OSBPL6: variants seen among roughly 807,000 people sequenced by gnomAD.
OSBPL6 encodes oxysterol-binding protein-related protein 6.
In OSBPL6, 49 loss-of-function variants were observed where a neutral mutation model predicts 125.8. The observed-to-expected ratio is 0.39, with a 90% CI of 0.31 to 0.49. The LOEUF (loss-of-function observed/expected upper bound fraction) is 0.49, where lower values mean the gene tolerates loss of function less well. Ranked by LOEUF, OSBPL6 falls within the 20% of genes least tolerant of loss-of-function variation. OSBPL6 has a pLI of 0.88. For synonymous variants in OSBPL6, 394 were observed against 391.8 expected, an observed-to-expected ratio of 1.01 and a Z score of -0.07; for missense variants, 986 against 1,135.4, an observed-to-expected ratio of 0.87 and a Z score of 1.89.
chr2:178,394,361 A>C lies in OSBPL6; in HGVS notation c.2622A>C (p.Arg874Ser). The change falls in exon 24 of 25, where the codon AGA (arginine) becomes AGC (serine). Residue 874 changes from arginine to serine, a missense_variant. By Grantham distance (110) the Arg-to-Ser change is moderately radical. Coordinates refer to ENST00000190611, the MANE Select transcript of OSBPL6 (RefSeq NM_032523.4). ...NLEAAASEKQ[R>S]VEELQRSRRR... ...AAGCTGCAGCATCAGAGAAGCAAAG[A>C]GTAGAGGAACTCCAGAGATCTCGGA... 1 of 1,613,826 alleles carries C rather than the reference A, an allele frequency of 6.2e-7. No homozygotes were observed. The highest frequency in any genetic ancestry group is 8.5e-7 in the Non-Finnish European group (1 of 1,179,888).
chr2:178,395,772 TAAAAAAAAAAAA>T lies in OSBPL6; in HGVS notation c.*230_*241del, dbSNP rs746653123. 7.3e-4 allele frequency: 177 copies of T among 243,394 alleles called. No individual in the cohort carries two copies. The highest frequency in any genetic ancestry group is 4.5e-3 in the Middle Eastern group (4 of 892). 15.1% of individuals were successfully genotyped at this position (243,394 alleles called of 1,614,324 possible). ...TCTGTTTTGCTGCAACCATATTCCT[TAAAAAAAAAAAA>T]AAAAAAAAAAAAAAAATCCACACCG... is the stretch of plus-strand genomic sequence containing the variant. On this transcript the variant is annotated 3_prime_UTR_variant, in exon 25 of 25. Coordinates refer to ENST00000190611, the MANE Select transcript of OSBPL6 (RefSeq NM_032523.4).
intron 1 of OSBPL6, among the ~76,000 whole-genome samples, chr2:178,229,867 A>G (rs1438351952): frequency 6.6e-6 from 1 of 152,222 alleles, no homozygotes; most frequent in African/African-American, 2.4e-5. Flanking sequence ...AAAGAAATGC[A>G]AATAGCAACT....
intron 1 of OSBPL6, among the ~76,000 whole-genome samples, chr2:178,202,274 T>C (rs1362887729): frequency 6.6e-6 from 1 of 152,202 alleles, no homozygotes; most frequent in African/African-American, 2.4e-5. Flanking sequence ...ATCATTTTCT[T>C]TCTTCTTAAA....
intron 1 of OSBPL6, among the ~76,000 whole-genome samples, chr2:178,261,872 T>C (rs952072069): frequency 5.3e-5 from 8 of 152,238 alleles, no homozygotes; most frequent in African/African-American, 1.9e-4. Flanking sequence ...AGATATTCAG[T>C]GTATGAATAT....
At chr2:178,316,372 A>G (rs1687737179) in intron 3 of OSBPL6, among the ~76,000 whole-genome samples, 1 of 152,238 alleles carries the variant, frequency 6.6e-6, no homozygotes, top group African/African-American at 2.4e-5. Context: ...ATGTTTATCA[A>G]AGTATTTTTA....
At chr2:178,235,355 CT>C (rs756549347) in intron 1 of OSBPL6, among the ~76,000 whole-genome samples, 11 of 95,252 alleles carry the variant, frequency 1.2e-4, no homozygotes, top group East Asian at 6.8e-4. Context: ...TATACAATTT[CT>C]TTTTTTTTTC....
upstream of OSBPL6, among the ~76,000 whole-genome samples, chr2:178,194,221 G>A (rs1374847855): frequency 6.6e-6 from 1 of 152,178 alleles, no homozygotes; most frequent in Non-Finnish European, 1.5e-5. Context: ...GGACACCACG[G>A]GTTCCCACGG....
At chr2:178,317,870 C>T (rs967022336) in intron 3 of OSBPL6, among the ~76,000 whole-genome samples, 1 of 152,026 alleles carries the variant, frequency 6.6e-6, no homozygotes, top group Non-Finnish European at 1.5e-5. Context: ...CACAGTTTTC[C>T]TGCCTTTAAA....
At chr2:178,255,875 G>C (rs1011346103) in intron 1 of OSBPL6, among the ~76,000 whole-genome samples, 1 of 152,190 alleles carries the variant, frequency 6.6e-6, no homozygotes, top group Admixed American at 6.5e-5. Context: ...ACTTTGGAGG[G>C]TAAAATGGCC....
At chr2:178,325,231 G>A (rs946891219) in intron 4 of OSBPL6, among the ~76,000 whole-genome samples, 1 of 152,096 alleles carries the variant, frequency 6.6e-6, no homozygotes, top group East Asian at 1.9e-4. Context: ...TTGAATTCCA[G>A]TATAAAAATA....
At chr2:178,311,327 C>T (rs1263569811) in intron 3 of OSBPL6, among the ~76,000 whole-genome samples, 1 of 152,122 alleles carries the variant, frequency 6.6e-6, no homozygotes, top group Non-Finnish European at 1.5e-5. Context: ...ATATACCCTC[C>T]TTGGGCAGCC....
At position 178,399,829 on chromosome 2, in the gene OSBPL6, T is replaced by C. The variant is rs1434479960; in HGVS notation, c.*4270T>C. On this transcript the variant is annotated 3_prime_UTR_variant, in exon 25 of 25. Transcript: ENST00000190611. ...AGAGACATTCAATATTGAAAACCAC[T>C]TCAGTTAGCCTCCTAGTGAATACTA... is the stretch of plus-strand genomic sequence containing the variant. 6.6e-6 allele frequency: 1 copy of C among 152,230 alleles called. No homozygotes were observed. Among genetic ancestry groups the C allele is most frequent in the Non-Finnish European group, 1.5e-5 (1 of 68,038 alleles). 9.4% of individuals were successfully genotyped at this position (152,230 alleles called of 1,614,324 possible).
intron 24 of OSBPL6, 141 bp from the exon 25 acceptor site, chr2:178,395,310 C>T (rs549812627): frequency 3.6e-6 from 2 of 552,822 alleles, no homozygotes; most frequent in African/African-American, 1.9e-5. Context: ...AAAATAGTCA[C>T]ATCATCAGTA....
At chr2:178,327,678 T>A (rs1688812579) in intron 4 of OSBPL6, among the ~76,000 whole-genome samples, 1 of 152,092 alleles carries the variant, frequency 6.6e-6, no homozygotes, top group Non-Finnish European at 1.5e-5. Context: ...CAGGGGCATG[T>A]GTATCTTTGA....
At chr2:178,320,377 C>T (rs1417934701) in intron 3 of OSBPL6, 1 of 1,613,276 alleles carries the variant, frequency 6.2e-7, no homozygotes, top group South Asian at 1.1e-5. Flanking sequence ...CATCAGTTAT[C>T]TCTGATCAGG....
chr2:178,332,238 C>T (rs1416187305), intron 6 of OSBPL6, among the ~76,000 whole-genome samples: 1 of 152,176 alleles, frequency 6.6e-6, no homozygotes, highest in Non-Finnish European at 1.5e-5. Context: ...GTCCCAGCTG[C>T]CCTGTTCTGC....
intron 1 of OSBPL6, among the ~76,000 whole-genome samples, chr2:178,276,336 A>ATAT (rs2092467938): frequency 6.6e-6 from 1 of 151,142 alleles, no homozygotes; most frequent in African/African-American, 2.4e-5. Context: ...ACATTTTTAA[A>ATAT]TATTTCTACT....
At chr2:178,229,860 G>A (rs975063402) in intron 1 of OSBPL6, among the ~76,000 whole-genome samples, 1 of 152,198 alleles carries the variant, frequency 6.6e-6, no homozygotes, top group Non-Finnish European at 1.5e-5. Flanking sequence ...AGAAAAAAAA[G>A]AAATGCAAAT....
At chr2:178,371,838 T>C (rs1693419373) in intron 13 of OSBPL6, among the ~76,000 whole-genome samples, 1 of 152,178 alleles carries the variant, frequency 6.6e-6, no homozygotes, top group Admixed American at 6.5e-5. Context: ...TTGAGTATAA[T>C]GGGACTCACT....
Sources: allele counts gnomAD v4.1 joint callset (sites outside exome capture counted in the v4.1 genomes callset), GRCh38; gene constraint gnomAD v4.1.1; transcripts MANE v1.5; gene names NCBI Gene and HGNC (gene_info 2026-07-23, HGNC 2026-07-21).